The following EXT1 variants were observed in gnomAD, a reference collection of about 807,000 sequenced individuals.
EXT1 encodes the protein exostosin glycosyltransferase 1, also known as exostosin-1.
Under a neutral mutation model 82.5 loss-of-function variants are expected in EXT1, and 20 were observed. The observed-to-expected ratio is 0.24, with a 90% CI of 0.17 to 0.35. The LOEUF (loss-of-function observed/expected upper bound fraction) is 0.35. Ranked by LOEUF, EXT1 falls within the 10% of genes least tolerant of loss-of-function variation. EXT1 has a pLI of 1.00. For synonymous variants in EXT1, 348 were observed against 350.8 expected, an observed-to-expected ratio of 0.99 and a Z score of 0.09; for missense variants, 757 against 936.5, an observed-to-expected ratio of 0.81 and a Z score of 2.50.
At chr8:117,842,928 A>G (rs1563577220) in intron 1 of EXT1, among the ~76,000 whole-genome samples, 1 of 152,208 alleles carries the variant, frequency 6.6e-6, no homozygotes. Context: ...CAAGTGATCC[A>G]GCCTCTCATC....
intron 4 of EXT1, among the ~76,000 whole-genome samples, chr8:117,824,347 TTAAAATTC>T (rs1348893185): frequency 6.6e-6 from 1 of 152,210 alleles, no homozygotes; most frequent in Non-Finnish European, 1.5e-5. Context: ...TTGTTATCTT[TTAAAATTC>T]AAAGATATGA....
intron 1 of EXT1, among the ~76,000 whole-genome samples, chr8:117,890,423 G>A (rs778248882): frequency 3.3e-5 from 5 of 152,108 alleles, no homozygotes; most frequent in South Asian, 2.1e-4. Flanking sequence ...CCTACAATGC[G>A]CAGAAGAGCC....
chr8:117,997,024 T>C (rs1435429765), intron 1 of EXT1, among the ~76,000 whole-genome samples: 2 of 152,138 alleles, frequency 1.3e-5, no homozygotes, highest in African/African-American at 2.4e-5. Flanking sequence ...TGCCTTGAGT[T>C]CCTTCTCCAT....
chr8:117,990,095 C>G (rs947048985), intron 1 of EXT1, among the ~76,000 whole-genome samples: 1 of 152,066 alleles, frequency 6.6e-6, no homozygotes. Context: ...ATCACTTGAG[C>G]CCAGGAGGCA....
intron 1 of EXT1, among the ~76,000 whole-genome samples, chr8:118,107,392 C>T (rs972045007): frequency 1.1e-4 from 17 of 152,102 alleles, no homozygotes; most frequent in African/African-American, 2.4e-4. Flanking sequence ...CAGTCTGAAA[C>T]CCACTCTGCA....
Position 117,830,285 on chromosome 8 carries a change from A to C in EXT1, c.1229T>G (p.Phe410Cys). The part of the protein sequence containing the change: ...KILALRQQTQ[F>C]LWEAYFSSVE... ...TGAAGAAAAATAAGCCTCCCACAAG[A>C]ATTGTGTCTGCTGTCTAAGTGCTAG... Residue 410 changes from phenylalanine (F) to cysteine (C), a missense_variant, in exon 4 of 11, where the codon TTC becomes TGC. Coordinates refer to ENST00000378204, the MANE Select transcript of EXT1 (RefSeq NM_000127.3). The C allele has an allele frequency of 6.2e-7, 1 of 1,614,110 alleles. No individual in the cohort carries two copies. The highest frequency in any genetic ancestry group is 8.5e-7 in the Non-Finnish European group (1 of 1,179,998).
At chr8:117,938,850 T>A (rs887329095) in intron 1 of EXT1, among the ~76,000 whole-genome samples, 1 of 152,200 alleles carries the variant, frequency 6.6e-6, no homozygotes, top group Non-Finnish European at 1.5e-5. Context: ...AAGCATAAAA[T>A]AATCAAAGAA....
chr8:118,055,007 A>C (rs1287869446), intron 1 of EXT1, among the ~76,000 whole-genome samples: 1 of 152,074 alleles, frequency 6.6e-6, no homozygotes, highest in African/African-American at 2.4e-5. Context: ...TATAATTGAT[A>C]TGCGATAAAT....
At chr8:118,041,721 A>AAGGAAGGAAGGAAG (rs1563637861) in intron 1 of EXT1, among the ~76,000 whole-genome samples, 1 of 111,778 alleles carries the variant, frequency 8.9e-6, no homozygotes, top group South Asian at 3.2e-4. Context: ...AAGGAAGGAA[A>AAGGAAGGAAGGAAG]AAGAAAAGGG....
At chr8:117,982,173 C>T (rs1462415456) in intron 1 of EXT1, among the ~76,000 whole-genome samples, 2 of 152,176 alleles carry the variant, frequency 1.3e-5, no homozygotes, top group African/African-American at 4.8e-5. Context: ...CAGTCGGCCA[C>T]GTCCTTGTCT....
At position 118,001,730 on chromosome 8, in the gene EXT1, G is replaced by A. The variant is rs968197237; in HGVS notation, c.962+108355C>T. Among the ~76,000 whole-genome samples, 7 of 152,218 alleles carry A rather than the reference G, an allele frequency of 4.6e-5. 1 individual carries two copies. Among genetic ancestry groups the A allele is most frequent in the Admixed American group, 2.0e-4 (3 of 15,298 alleles). On this transcript the variant is annotated intron_variant, in intron 1 of 10. Coordinates refer to ENST00000378204, the MANE Select transcript of EXT1 (RefSeq NM_000127.3). The stretch of plus-strand genomic sequence containing the variant: ...AACCCAGTCTATATTTTATAAACCA[G>A]TGATTCCAAGAACAGGTTTGAAATT...
chr8:117,947,089 C>T (rs1472673536), intron 1 of EXT1, among the ~76,000 whole-genome samples: 1 of 152,044 alleles, frequency 6.6e-6, no homozygotes, highest in Non-Finnish European at 1.5e-5. Flanking sequence ...TTATTAATTC[C>T]ATTTAGGATT....
chr8:117,982,123 T>C lies in EXT1; in HGVS notation c.962+127962A>G, dbSNP rs964687909. Reference sequence around the variant, plus strand: ...TCTGTAGGTCACAAGTCTGGGGACATAGTGTGGCTGCTTTCTCTGCTCAGT... The same window carrying C: ...TCTGTAGGTCACAAGTCTGGGGACACAGTGTGGCTGCTTTCTCTGCTCAGT... On this transcript the variant is annotated intron_variant, in intron 1 of 10. Transcript: ENST00000378204. Among the ~76,000 whole-genome samples, 31 of 152,166 alleles carry C rather than the reference T, an allele frequency of 2.0e-4. 1 individual carries two copies. Among genetic ancestry groups the C allele is most frequent in the African/African-American group, 5.8e-4 (24 of 41,446 alleles).
intron 1 of EXT1, among the ~76,000 whole-genome samples, chr8:117,946,372 T>A (rs1448864958): frequency 4.5e-5 from 5 of 109,966 alleles, no homozygotes. Flanking sequence ...TTTTACTTTA[T>A]GTCAACGCTC....
At chr8:118,025,310 G>A (rs546562113) in intron 1 of EXT1, among the ~76,000 whole-genome samples, 1 of 152,298 alleles carries the variant, frequency 6.6e-6, no homozygotes, top group South Asian at 2.1e-4. Flanking sequence ...AAGTACAGGA[G>A]CAGACTTCTA....
At chr8:117,862,025 A>G (rs909503752) in intron 1 of EXT1, among the ~76,000 whole-genome samples, 1 of 145,976 alleles carries the variant, frequency 6.9e-6, no homozygotes, top group African/African-American at 2.4e-5. Context: ...CAAAACCCAC[A>G]CAAAAGAATT....
In EXT1 at chr8:117,937,437, C is replaced by T. The variant is rs185754325; in HGVS notation, c.963-100236G>A. ...GCTCCATGGCACTCCTGCCCCTGGC[C>T]CAGATTCAATTCAAATGGAATTTTG... On this transcript the variant is annotated intron_variant, in intron 1 of 10. Coordinates refer to ENST00000378204, the MANE Select transcript of EXT1 (RefSeq NM_000127.3). 2.0e-3 allele frequency among the ~76,000 whole-genome samples: 305 copies of T among 152,314 alleles called. 1 individual carries two copies. Among genetic ancestry groups the T allele is most frequent in the African/African-American group, 7.0e-3 (292 of 41,564 alleles).
chr8:118,054,313 A>C (rs1275080111), intron 1 of EXT1, among the ~76,000 whole-genome samples: 2 of 152,134 alleles, frequency 1.3e-5, no homozygotes, highest in African/African-American at 4.8e-5. Flanking sequence ...TCCTCAAGAA[A>C]CCTAACAGAT....
intron 1 of EXT1, among the ~76,000 whole-genome samples, chr8:117,907,264 G>A (rs1311128301): frequency 6.6e-6 from 1 of 152,206 alleles, no homozygotes; most frequent in African/African-American, 2.4e-5. Context: ...TAAGAGTTTA[G>A]CAATTTTCCC....
Sources: gnomAD v4.1 joint callset for allele counts (sites outside exome capture counted in the v4.1 genomes callset) on GRCh38, gnomAD v4.1.1 for gene constraint, MANE v1.5 for transcripts, NCBI Gene and HGNC (gene_info 2026-07-23, HGNC 2026-07-21) for gene names.